PRKG1: variants seen among roughly 807,000 people sequenced by gnomAD.
PRKG1 encodes protein kinase cGMP-dependent 1, also known as cGMP-dependent protein kinase 1.
Under a neutral mutation model 88.1 loss-of-function variants are expected in PRKG1, and 35 were observed. That is an observed-to-expected ratio of 0.40 (90% CI 0.30 to 0.53). The LOEUF (loss-of-function observed/expected upper bound fraction) is 0.53, where lower values mean the gene tolerates loss of function less well. Among genes scored for constraint, PRKG1 ranks in the 20% least tolerant of loss-of-function variants. The pLI is 0.59. For synonymous variants in PRKG1, 303 were observed against 292.5 expected (o/e 1.04, Z -0.37); for missense variants, 540 against 839.8 (o/e 0.64, Z 4.41).
chr10:51,355,497 A>T (rs946775202), intron 2 of PRKG1, among the ~76,000 whole-genome samples: 1 of 152,068 alleles, frequency 6.6e-6, no homozygotes, highest in African/African-American at 2.4e-5. Flanking sequence ...CCAAAATTAA[A>T]TCAAAGTTGA....
At chr10:51,628,422 C>T (rs1181911763) in intron 3 of PRKG1, among the ~76,000 whole-genome samples, 1 of 151,762 alleles carries the variant, frequency 6.6e-6, no homozygotes, top group Non-Finnish European at 1.5e-5. Context: ...CTCGCCCTCC[C>T]AAACTGCTGA....
chr10:52,295,214 G>A lies in PRKG1; in HGVS notation c.*1314G>A, dbSNP rs1258250789. 6.6e-6 allele frequency: 1 copy of A among 152,024 alleles called. No homozygotes were observed. The highest frequency in any genetic ancestry group is 1.5e-5 in the Non-Finnish European group (1 of 67,950). 9.4% of individuals were successfully genotyped at this position (152,024 alleles called of 1,614,324 possible). A position where few individuals can be genotyped will look rare whatever the true frequency, so the allele number is the denominator to read the frequency against. ...ACCAGATCTGGAACATTACTTATTT[G>A]AGGTCAGAGAACAAAACAAGAACCT... On this transcript the variant is annotated 3_prime_UTR_variant, in exon 18 of 18. Transcript: ENST00000373980.
chr10:51,637,559 A>G (rs1839689307), intron 3 of PRKG1, among the ~76,000 whole-genome samples: 3 of 152,254 alleles, frequency 2.0e-5, no homozygotes, highest in South Asian at 2.1e-4. Context: ...AAAATGTTGT[A>G]TATATACACC....
intron 3 of PRKG1, among the ~76,000 whole-genome samples, chr10:51,604,893 C>T (rs1039032439): frequency 6.6e-6 from 1 of 152,222 alleles, no homozygotes; most frequent in Non-Finnish European, 1.5e-5. Flanking sequence ...AGACCCTCTG[C>T]CTTATTGCAA....
At chr10:51,183,983 A>G (rs180886437) in intron 2 of PRKG1, among the ~76,000 whole-genome samples, 9 of 152,008 alleles carry the variant, frequency 5.9e-5, no homozygotes, top group African/African-American at 2.2e-4. Flanking sequence ...TCCACCCATC[A>G]CTCTAGACAG....
At chr10:51,181,863 G>C (rs1837356511) in intron 2 of PRKG1, among the ~76,000 whole-genome samples, 1 of 152,184 alleles carries the variant, frequency 6.6e-6, no homozygotes. Flanking sequence ...TTGCCTCTTG[G>C]AGGTATTTTG....
intron 2 of PRKG1, among the ~76,000 whole-genome samples, chr10:51,335,492 G>T (rs1841852670): frequency 6.6e-6 from 1 of 151,842 alleles, no homozygotes; most frequent in African/African-American, 2.4e-5. Context: ...TTCTATATCA[G>T]AATTTAATAT....
At chr10:51,022,750 T>C (rs1843156267) in intron 1 of PRKG1, among the ~76,000 whole-genome samples, 1 of 152,162 alleles carries the variant, frequency 6.6e-6, no homozygotes, top group African/African-American at 2.4e-5. Flanking sequence ...GAATAACAAA[T>C]ATAGAAGTGT....
intron 2 of PRKG1, among the ~76,000 whole-genome samples, chr10:51,172,507 G>C (rs760637757): frequency 3.3e-5 from 5 of 151,964 alleles, no homozygotes; most frequent in Non-Finnish European, 5.9e-5. Flanking sequence ...AATATGAAAG[G>C]AAAGTACCTA....
chr10:52,022,908 A>G (rs1379875156), intron 5 of PRKG1, among the ~76,000 whole-genome samples: 1 of 152,142 alleles, frequency 6.6e-6, no homozygotes, highest in Admixed American at 6.5e-5. Context: ...TTTTGGTCGT[A>G]ATAGGTGAGG....
chr10:51,134,465 T>G (rs991524363), intron 1 of PRKG1, among the ~76,000 whole-genome samples: 5 of 152,186 alleles, frequency 3.3e-5, no homozygotes, highest in African/African-American at 1.2e-4. Flanking sequence ...TAGTACTTAT[T>G]GTGATACCAT....
intron 9 of PRKG1, among the ~76,000 whole-genome samples, chr10:52,192,104 T>C (rs896775996): frequency 6.6e-6 from 1 of 152,184 alleles, no homozygotes; most frequent in African/African-American, 2.4e-5. Flanking sequence ...TTTCCACATT[T>C]TTTGGTATTA....
chr10:51,310,055 G>A (rs1330387458), intron 2 of PRKG1, among the ~76,000 whole-genome samples: 4 of 152,124 alleles, frequency 2.6e-5, no homozygotes, highest in Admixed American at 6.6e-5. Flanking sequence ...GTACACATGG[G>A]CATAGAGTGT....
intron 2 of PRKG1, among the ~76,000 whole-genome samples, chr10:51,160,855 TAACCA>T (rs1306538660): frequency 6.6e-6 from 1 of 150,440 alleles, no homozygotes; most frequent in African/African-American, 2.5e-5. Flanking sequence ...GAAATCCTCT[TAACCA>T]GTGTTCTTCA....
intron 9 of PRKG1, among the ~76,000 whole-genome samples, chr10:52,166,797 A>ATATATATATATATATG (rs1564498359): frequency 1.3e-4 from 3 of 22,684 alleles, no homozygotes; most frequent in African/African-American, 3.3e-4. Flanking sequence ...CTATATATAT[A>ATATATATATATATATG]CATATATATA....
intron 1 of PRKG1, among the ~76,000 whole-genome samples, chr10:51,006,471 C>T (rs1044376383): frequency 1.3e-5 from 2 of 152,192 alleles, no homozygotes; most frequent in South Asian, 2.1e-4. Flanking sequence ...TGACTTCATT[C>T]ACCAAATATA....
Position 50,991,625 on chromosome 10 carries a change from A to C in PRKG1, c.247A>C (p.Lys83Gln), listed in dbSNP as rs1219608236. ...CCACGACCTCCGACAGGCATTCCGG[A>C]AGTTCACCAAGTCCGAAAGGTAGGC... The change falls in exon 1 of 18, where the codon AAG becomes CAG. Residue 83 changes from lysine (K) to glutamine (Q), a missense_variant. Coordinates refer to the PRKG1 transcript ENST00000401604. The surrounding 1 kb of genome is among the most constrained non-coding windows in gnomAD (Gnocchi z 4.5). 1.3e-6 allele frequency: 2 copies of C among 1,540,082 alleles called. No individual in the cohort carries two copies. The highest frequency in any genetic ancestry group is 8.7e-7 in the Non-Finnish European group (1 of 1,143,946).
At chr10:51,217,951 G>T (rs1564642544) in intron 2 of PRKG1, among the ~76,000 whole-genome samples, 1 of 152,016 alleles carries the variant, frequency 6.6e-6, no homozygotes, top group East Asian at 1.9e-4. Flanking sequence ...CTGAATCTCA[G>T]GTCTTACAAG....
intron 3 of PRKG1, among the ~76,000 whole-genome samples, chr10:51,681,997 GT>G (rs1436773431): frequency 6.6e-6 from 1 of 152,046 alleles, no homozygotes; most frequent in East Asian, 1.9e-4. Flanking sequence ...GGTTATTAAA[GT>G]TTGTCTTAGA....
Sources: allele counts gnomAD v4.1 joint callset (sites outside exome capture counted in the v4.1 genomes callset), GRCh38; gene constraint gnomAD v4.1.1; non-coding constraint Gnocchi (gnomAD v3.1); transcripts MANE v1.5; gene names NCBI Gene and HGNC (gene_info 2026-07-23, HGNC 2026-07-21).